CCDC60: variants seen among roughly 807,000 people sequenced by gnomAD.
The protein encoded by CCDC60 is coiled-coil domain containing 60.
Under a neutral mutation model 63.5 loss-of-function variants are expected in CCDC60, and 54 were observed. The observed-to-expected ratio is 0.85, with a 90% CI of 0.68 to 1.07. The LOEUF (loss-of-function observed/expected upper bound fraction) is 1.07. CCDC60 is among the 50% of genes least tolerant of loss of function. The pLI is 0.00. For missense variants in CCDC60, 651 were observed against 684.3 expected (o/e 0.95, Z 0.54); for synonymous variants, 206 against 238.8 (o/e 0.86, Z 1.27).
Position 119,523,704 on chromosome 12 carries a change from G to A in CCDC60, c.1115G>A (p.Cys372Tyr). Residue 372 changes from cysteine to tyrosine, a missense_variant, in exon 11 of 14, where the codon TGT (cysteine) becomes TAT (tyrosine). By Grantham distance (194) the Cys-to-Tyr change is radical (BLOSUM62 -2). Coordinates refer to ENST00000327554, the MANE Select transcript of CCDC60 (RefSeq NM_178499.5). The part of the protein sequence containing the change: ...VQKKSKNRTN[C>Y]DINIHYKSGV... ...ATCTGTGTCCACAGCCGCACTAATT[G>A]TGACATCAACATCCACTACAAGAGT... 6.2e-7 allele frequency: 1 copy of A among 1,614,132 alleles called. No homozygotes were observed. Among genetic ancestry groups the A allele is most frequent in the Non-Finnish European group, 8.5e-7 (1 of 1,179,988 alleles).
chr12:119,497,764 A>C (rs1951746678), intron 5 of CCDC60, among the ~76,000 whole-genome samples: 1 of 150,548 alleles, frequency 6.6e-6, no homozygotes, highest in Non-Finnish European at 1.5e-5. Flanking sequence ...AAAAAAAAAC[A>C]CTAAAGCTTC....
At chr12:119,473,341 C>G (rs905611447) in intron 3 of CCDC60, among the ~76,000 whole-genome samples, 3 of 152,160 alleles carry the variant, frequency 2.0e-5, no homozygotes, top group African/African-American at 7.2e-5. Flanking sequence ...CTCCTGTGAG[C>G]GCAGCTGTTG....
At chr12:119,498,692 C>G (rs1951770850) in intron 5 of CCDC60, among the ~76,000 whole-genome samples, 1 of 152,050 alleles carries the variant, frequency 6.6e-6, no homozygotes, top group Non-Finnish European at 1.5e-5. Flanking sequence ...TTAAAAGGAT[C>G]CTTGTGATAT....
At chr12:119,402,676 G>A (rs756403248) in intron 1 of CCDC60, among the ~76,000 whole-genome samples, 1 of 152,172 alleles carries the variant, frequency 6.6e-6, no homozygotes, top group Non-Finnish European at 1.5e-5. Flanking sequence ...GTAGGTAAAT[G>A]GCAGCTGTTT....
At chr12:119,534,468 G>A (rs1411136970) in intron 13 of CCDC60, among the ~76,000 whole-genome samples, 1 of 152,176 alleles carries the variant, frequency 6.6e-6, no homozygotes, top group African/African-American at 2.4e-5. Context: ...TAGGAGTGGT[G>A]AGAGACGGCA....
intron 1 of CCDC60, chr12:119,388,249 C>T (rs1471817013): frequency 6.6e-6 from 1 of 152,232 alleles, no homozygotes; most frequent in East Asian, 1.9e-4. Flanking sequence ...GAGCTGCAAA[C>T]TCACACATAC....
chr12:119,490,650 G>A (rs752177860), intron 5 of CCDC60, among the ~76,000 whole-genome samples: 5 of 151,442 alleles, frequency 3.3e-5, no homozygotes, highest in Admixed American at 1.3e-4. Flanking sequence ...CCACAGCCTC[G>A]AACTCCTGGG....
In CCDC60 at chr12:119,500,142, T is replaced by C; in HGVS notation, c.622T>C (p.Trp208Arg). 1 of 1,610,630 alleles carries C rather than the reference T, an allele frequency of 6.2e-7. No homozygotes were observed. The highest frequency in any genetic ancestry group is 8.5e-7 in the Non-Finnish European group (1 of 1,178,810). Residue 208 changes from tryptophan (W) to arginine (R), a missense_variant, in exon 6 of 14, where the codon TGG (tryptophan) becomes CGG (arginine). Physicochemically the swap from Trp to Arg is moderately radical, Grantham distance 101. Coordinates refer to ENST00000327554, the MANE Select transcript of CCDC60 (RefSeq NM_178499.5). Reference sequence around the variant, plus strand: ...TAAGGACAAGTCCATGGGACAGAAATGGGAGCATTTCATCACAGCGCCAAA... The same window carrying C: ...TAAGGACAAGTCCATGGGACAGAAACGGGAGCATTTCATCACAGCGCCAAA... Reference protein sequence around the residue: ...INKDKSMGQKWEHFITAPKTK... With the variant: ...INKDKSMGQKREHFITAPKTK...
intron 5 of CCDC60, among the ~76,000 whole-genome samples, chr12:119,497,663 G>C (rs181945741): frequency 6.6e-4 from 100 of 152,082 alleles, no homozygotes; most frequent in Non-Finnish European, 7.5e-4. Context: ...TTTGAACTTC[G>C]AGAAGAAGGC....
At chr12:119,501,140 G>A (rs1181093644) in intron 6 of CCDC60, among the ~76,000 whole-genome samples, 1 of 152,154 alleles carries the variant, frequency 6.6e-6, no homozygotes, top group Non-Finnish European at 1.5e-5. Flanking sequence ...GCCCTTTCCT[G>A]CCTACCTCAC....
At chr12:119,468,865 G>A (rs1566025872) in intron 2 of CCDC60, among the ~76,000 whole-genome samples, 1 of 151,810 alleles carries the variant, frequency 6.6e-6, no homozygotes, top group East Asian at 1.9e-4. Context: ...CTTGAGGCCA[G>A]GAATGTGAGA....
At chr12:119,464,516 C>T (rs1164423486) in intron 2 of CCDC60, among the ~76,000 whole-genome samples, 1 of 151,942 alleles carries the variant, frequency 6.6e-6, no homozygotes, top group East Asian at 1.9e-4. Context: ...AATCCTAAGC[C>T]CCCTCCAACC....
At chr12:119,473,365 A>G (rs1190571247) in intron 3 of CCDC60, among the ~76,000 whole-genome samples, 2 of 152,254 alleles carry the variant, frequency 1.3e-5, no homozygotes, top group African/African-American at 4.8e-5. Flanking sequence ...CCCTAGCTAC[A>G]TATTAGAATC....
At chr12:119,404,048 G>T (rs1455916148) in intron 1 of CCDC60, among the ~76,000 whole-genome samples, 1 of 152,130 alleles carries the variant, frequency 6.6e-6, no homozygotes. Context: ...AGCACTTTTG[G>T]AGGCCGAGGT....
At chr12:119,530,267 G>GT (rs34807849) in intron 12 of CCDC60, among the ~76,000 whole-genome samples, 45,008 of 144,376 alleles carry the variant, frequency 0.31, 6,845 homozygotes, top group African/African-American at 0.37. Flanking sequence ...GGGTGAGGGA[G>GT]TTTTTTTTTT....
intron 2 of CCDC60, among the ~76,000 whole-genome samples, chr12:119,445,532 C>A (rs1470687111): frequency 2.0e-5 from 3 of 146,770 alleles, no homozygotes; most frequent in East Asian, 4.0e-4. Context: ...ATCAAGCAGG[C>A]TGCAAAGTGT....
intron 2 of CCDC60, among the ~76,000 whole-genome samples, chr12:119,464,049 C>T (rs1950907083): frequency 6.8e-6 from 1 of 147,374 alleles, no homozygotes; most frequent in Non-Finnish European, 1.5e-5. Flanking sequence ...CCCTCCCTCC[C>T]ATTTTCCCTT....
intron 2 of CCDC60, among the ~76,000 whole-genome samples, chr12:119,468,271 G>A (rs556260): frequency 0.36 from 54,238 of 151,858 alleles, 10,137 homozygotes; most frequent in South Asian, 0.62. Flanking sequence ...CAGCCTGGGC[G>A]ATAGAGCAAG....
At chr12:119,380,266 A>G (rs1466124579) in intron 1 of CCDC60, among the ~76,000 whole-genome samples, 1 of 152,224 alleles carries the variant, frequency 6.6e-6, no homozygotes, top group East Asian at 1.9e-4. Context: ...AACCTATTGT[A>G]TTCATCTCCT....
Sources: gnomAD v4.1 joint callset for allele counts (sites outside exome capture counted in the v4.1 genomes callset) on GRCh38, gnomAD v4.1.1 for gene constraint, MANE v1.5 for transcripts, NCBI Gene and HGNC (gene_info 2026-07-23, HGNC 2026-07-21) for gene names.